Variants in PCDH9 observed in about 807,000 individuals in gnomAD.
PCDH9 encodes protocadherin 9.
A neutral mutation model predicts 70.6 loss-of-function variants in PCDH9; 24 were observed. The observed-to-expected ratio is 0.34, with a 90% CI of 0.25 to 0.48. The LOEUF (loss-of-function observed/expected upper bound fraction) is 0.48, where lower values mean the gene tolerates loss of function less well. Among genes scored for constraint, PCDH9 ranks in the 20% least tolerant of loss-of-function variants. PCDH9 has a pLI of 0.99. For synonymous variants in PCDH9, 562 were observed against 558.5 expected (o/e 1.01, Z -0.09); for missense variants, 1,281 against 1,503.6 (o/e 0.85, Z 2.45).
chr13:66,536,239 C>A (rs920948273), intron 4 of PCDH9, among the ~76,000 whole-genome samples: 7 of 151,984 alleles, frequency 4.6e-5, no homozygotes, highest in Admixed American at 4.6e-4. Flanking sequence ...AGGTCTTACA[C>A]CTCAGGGAGT....
rs371617602 is a variant in PCDH9 at position 67,012,424 on chromosome 13, C to T, written c.3037-108819G>A. Among the ~76,000 whole-genome samples, 22 of 151,786 alleles carry T rather than the reference C, an allele frequency of 1.4e-4. No individual in the cohort carries two copies. In the East Asian group the frequency reaches 3.7e-3, roughly 25 times the overall value. ...TCAAGGCACAACAAGTAAGTTATTACCAACAATATTGAATTACTTTGTCTA... is the reference window on the plus strand; with the variant it reads ...TCAAGGCACAACAAGTAAGTTATTATCAACAATATTGAATTACTTTGTCTA... On this transcript the variant is annotated intron_variant, in intron 2 of 4. Coordinates refer to ENST00000377865, the MANE Select transcript of PCDH9 (RefSeq NM_203487.3).
intron 4 of PCDH9, among the ~76,000 whole-genome samples, chr13:66,509,939 T>C (rs1959385331): frequency 6.6e-6 from 1 of 152,226 alleles, no homozygotes; most frequent in African/African-American, 2.4e-5. Context: ...GATGGATATA[T>C]CATAGACTAG....
intron 3 of PCDH9, among the ~76,000 whole-genome samples, chr13:66,796,615 A>G (rs1157359839): frequency 6.9e-6 from 1 of 145,686 alleles, no homozygotes. Flanking sequence ...AACTGAAGAG[A>G]GATTTTTAGT....
At chr13:67,116,203 C>CA (rs1274883638) in intron 2 of PCDH9, among the ~76,000 whole-genome samples, 2 of 152,126 alleles carry the variant, frequency 1.3e-5, no homozygotes, top group African/African-American at 4.8e-5. Flanking sequence ...GATATGTTAA[C>CA]ATTGATCACA....
intron 4 of PCDH9, among the ~76,000 whole-genome samples, chr13:66,312,065 A>G (rs1345389866): frequency 1.3e-5 from 2 of 152,210 alleles, no homozygotes; most frequent in Non-Finnish European, 2.9e-5. Flanking sequence ...ACACAAGATC[A>G]TTACAGATAG....
intron 4 of PCDH9, among the ~76,000 whole-genome samples, chr13:66,596,767 A>T (rs573315239): frequency 4.1e-4 from 62 of 150,582 alleles, no homozygotes; most frequent in Non-Finnish European, 8.6e-4. Context: ...CCTTACTGGA[A>T]ATTTTTTTTC....
intron 4 of PCDH9, among the ~76,000 whole-genome samples, chr13:66,522,025 G>A (rs1960012799): frequency 1.2e-5 from 1 of 83,656 alleles, no homozygotes; most frequent in Non-Finnish European, 3.0e-5. Flanking sequence ...AAGTATGTGT[G>A]TGTATATATA....
At chr13:66,777,508 C>T (rs546319959) in intron 3 of PCDH9, among the ~76,000 whole-genome samples, 2,447 of 152,190 alleles carry the variant, frequency 0.016, 70 homozygotes, top group African/African-American at 0.054. Flanking sequence ...GACATTTATG[C>T]GGCCAAAAAA....
intron 2 of PCDH9, among the ~76,000 whole-genome samples, chr13:66,908,410 T>A (rs888562553): frequency 6.6e-6 from 1 of 152,228 alleles, no homozygotes; most frequent in Admixed American, 6.5e-5. Context: ...GAGTACTTCC[T>A]CAGAAAGTGT....
intron 2 of PCDH9, chr13:67,218,067 C>T (rs532407439): frequency 6.6e-6 from 1 of 151,978 alleles, no homozygotes. Flanking sequence ...TATTACAAAG[C>T]CTTTACTTCA....
chr13:66,980,730 G>GTTTTTTTTTTTTTTTTT lies in PCDH9; in HGVS notation c.3037-77126_3037-77125insAAAAAAAAAAAAAAAAA. 1.5e-3 allele frequency among the ~76,000 whole-genome samples: 106 copies of GTTTTTTTTTTTTTTTTT among 70,880 alleles called. 2 individuals carry two copies. The highest frequency in any genetic ancestry group is 2.1e-3 in the African/African-American group (40 of 18,834). The allele number at this position is 70,880 out of a possible 152,430, so 46.5% of individuals were successfully genotyped here. On this transcript the variant is annotated intron_variant, in intron 2 of 4. Transcript: ENST00000377865. The stretch of plus-strand genomic sequence containing the variant: ...TTTGTTTTTTCCTGTTTTTTTCTTT[G>GTTTTTTTTTTTTTTTTT]TTTTTTTTTTTGTTTTTTTTTTTAC...
intron 3 of PCDH9, among the ~76,000 whole-genome samples, chr13:66,696,809 A>AT (rs1344074583): frequency 2.9e-4 from 26 of 90,218 alleles, no homozygotes; most frequent in East Asian, 1.6e-3. Context: ...TTTTTTTGAG[A>AT]TTTTAAAGGT....
chr13:66,842,044 G>A (rs553964629), intron 3 of PCDH9, among the ~76,000 whole-genome samples: 3 of 152,266 alleles, frequency 2.0e-5, no homozygotes, highest in Admixed American at 1.3e-4. Flanking sequence ...TGGGAAATTA[G>A]GAGCAGAAAA....
Position 66,867,574 on chromosome 13 carries a change from G to A in PCDH9, c.3138+35930C>T, listed in dbSNP as rs112465387. Among the ~76,000 whole-genome samples the A allele has an allele frequency of 5.3e-5, 8 of 152,142 alleles. 2 individuals are homozygous for A. Among genetic ancestry groups the A allele is most frequent in the African/African-American group, 1.9e-4 (8 of 41,534 alleles). On this transcript the variant is annotated intron_variant, in intron 3 of 4. Coordinates refer to ENST00000377865, the MANE Select transcript of PCDH9 (RefSeq NM_203487.3). ...AAACCTTAAAAACATAGAACGTGCT[G>A]AATAATTGAAAGTGGAACGAAAAAT...
In PCDH9 at chr13:66,776,583, G is replaced by A. The variant is rs185477017; in HGVS notation, c.3138+126921C>T. ...AATCCAACTTACAAGGGATGTGAAG[G>A]AACTCTTCAAGGAGAACTATAAACC... On this transcript the variant is annotated intron_variant, in intron 3 of 4. Coordinates refer to ENST00000377865, the MANE Select transcript of PCDH9 (RefSeq NM_203487.3). 4.0e-3 allele frequency among the ~76,000 whole-genome samples: 614 copies of A among 152,158 alleles called. 4 individuals are homozygous for A. Among genetic ancestry groups the A allele is most frequent in the African/African-American group, 0.014 (584 of 41,506 alleles).
chr13:66,372,672 C>A (rs760869247), intron 4 of PCDH9, among the ~76,000 whole-genome samples: 11 of 151,606 alleles, frequency 7.3e-5, no homozygotes, highest in Non-Finnish European at 1.6e-4. Flanking sequence ...AAGGGAATGT[C>A]CATTGGCAAG....
chr13:66,713,781 C>T (rs2139135860), intron 3 of PCDH9, among the ~76,000 whole-genome samples: 1 of 151,780 alleles, frequency 6.6e-6, no homozygotes, highest in South Asian at 2.1e-4. Context: ...TTTTATTCCT[C>T]TTCAGCTTAC....
At chr13:67,012,440 A>G (rs1468568872) in intron 2 of PCDH9, among the ~76,000 whole-genome samples, 1 of 151,968 alleles carries the variant, frequency 6.6e-6, no homozygotes, top group Non-Finnish European at 1.5e-5. Flanking sequence ...ATATTGAATT[A>G]CTTTGTCTAA....
intron 3 of PCDH9, among the ~76,000 whole-genome samples, chr13:66,839,425 A>C (rs1384818225): frequency 6.6e-6 from 1 of 152,148 alleles, no homozygotes; most frequent in Non-Finnish European, 1.5e-5. Flanking sequence ...GGCTACAGAT[A>C]CCTAGGTCAT....
Sources: allele counts gnomAD v4.1 joint callset (sites outside exome capture counted in the v4.1 genomes callset), GRCh38; gene constraint gnomAD v4.1.1; transcripts MANE v1.5; gene names NCBI Gene and HGNC (gene_info 2026-07-23, HGNC 2026-07-21).